ANKRD31: variants seen among roughly 807,000 people sequenced by gnomAD.
ANKRD31 encodes ankyrin repeat domain-containing protein 31.
ANKRD31 carries 147 observed loss-of-function variants against 186.0 expected under a neutral mutation model. That is an observed-to-expected ratio of 0.79 (90% CI 0.69 to 0.91). The LOEUF (loss-of-function observed/expected upper bound fraction) is 0.91. Ranked by LOEUF, ANKRD31 falls within the 40% of genes least tolerant of loss-of-function variation. The pLI is 0.00. For synonymous variants in ANKRD31, 673 were observed against 736.4 expected (o/e 0.91, Z 1.39); for missense variants, 1,986 against 2,148.8 (o/e 0.92, Z 1.50).
chr5:75,127,574 C>A (rs374940944), intron 17 of ANKRD31, among the ~76,000 whole-genome samples: 37 of 152,138 alleles, frequency 2.4e-4, no homozygotes, highest in African/African-American at 8.7e-4. Flanking sequence ...TAATATAAAT[C>A]GTCCAACATT....
intron 10 of ANKRD31, among the ~76,000 whole-genome samples, chr5:75,184,566 A>AATC (rs1386914932): frequency 1.3e-5 from 2 of 151,988 alleles, no homozygotes; most frequent in Non-Finnish European, 2.9e-5. Context: ...TAATAATAAT[A>AATC]ATAATTCCAT....
At chr5:75,077,508 A>T (rs1302226741) in intron 25 of ANKRD31, among the ~76,000 whole-genome samples, 1 of 152,130 alleles carries the variant, frequency 6.6e-6, no homozygotes, top group East Asian at 1.9e-4. Flanking sequence ...TGGGGGGGGA[A>T]TTAAAATCTT....
chr5:75,203,673 A>AGAAAAGAAAAGAAAAGAAAAG (rs536156544), intron 5 of ANKRD31, among the ~76,000 whole-genome samples: 1 of 148,240 alleles, frequency 6.7e-6, no homozygotes, highest in East Asian at 2.0e-4. Context: ...AAAAAAAAAA[A>AGAAAAGAAAAGAAAAGAAAAG]AAAAGAAAAG....
chr5:75,134,242 C>A (rs12017777), intron 17 of ANKRD31, among the ~76,000 whole-genome samples: 1 of 151,668 alleles, frequency 6.6e-6, no homozygotes, highest in Non-Finnish European at 1.5e-5. Flanking sequence ...TTTTTGAAAG[C>A]ATCAACAAAA....
Position 75,146,330 on chromosome 5 carries a change from A to G in ANKRD31, c.3081T>C (p.His1027=), listed in dbSNP as rs1751433083. Residue 1027 remains histidine (H), a synonymous_variant, in exon 14 of 26, where the codon CAT becomes CAC. Coordinates refer to ENST00000506364, the MANE Select transcript of ANKRD31 (RefSeq NM_001372053.1). ...LTHEASKLTN[H]VELFKKPQDY... is the part of the protein sequence containing the mutation. ...CCTGTGGCTTTTTGAATAGCTCCAC[A>G]TGATTAGTCAACTTTGAAGCCTCAT... 1.3e-6 allele frequency: 2 copies of G among 1,536,494 alleles called. No homozygotes were observed. The highest frequency in any genetic ancestry group is 2.7e-5 in the African/African-American group (2 of 73,006).
intron 3 of ANKRD31, among the ~76,000 whole-genome samples, chr5:75,216,963 C>T (rs1454002702): frequency 2.6e-5 from 4 of 152,060 alleles, no homozygotes; most frequent in Non-Finnish European, 4.4e-5. Flanking sequence ...TTGATTTCTG[C>T]CTTAATTTCA....
chr5:75,107,715 T>C (rs1262643565), intron 20 of ANKRD31, 98 bp from the exon 21 acceptor site: 2 of 672,792 alleles, frequency 3.0e-6, no homozygotes, highest in Non-Finnish European at 4.9e-6. Flanking sequence ...TAAAAAGCGT[T>C]ATTCCCTATG....
chr5:75,114,553 T>G (rs1193783614), intron 19 of ANKRD31, among the ~76,000 whole-genome samples: 1 of 152,110 alleles, frequency 6.6e-6, no homozygotes, highest in Non-Finnish European at 1.5e-5. Flanking sequence ...GCTGAGACAA[T>G]GGGGTTTTCT....
chr5:75,214,422 G>A (rs1756838624), intron 3 of ANKRD31, among the ~76,000 whole-genome samples: 1 of 152,208 alleles, frequency 6.6e-6, no homozygotes, highest in Non-Finnish European at 1.5e-5. Flanking sequence ...GATCAGCTCA[G>A]TAGCATCAGG....
At chr5:75,221,827 ATCT>A (rs1158972860) in intron 3 of ANKRD31, among the ~76,000 whole-genome samples, 54 of 152,252 alleles carry the variant, frequency 3.5e-4, no homozygotes, top group African/African-American at 1.3e-3. Context: ...CCTCTTTATG[ATCT>A]TCTTAACATT....
At chr5:75,234,552 T>C (rs1758141520) in intron 1 of ANKRD31, among the ~76,000 whole-genome samples, 1 of 152,260 alleles carries the variant, frequency 6.6e-6, no homozygotes, top group African/African-American at 2.4e-5. Flanking sequence ...TAATAGGGTA[T>C]GTAGTAAAAT....
intron 23 of ANKRD31, among the ~76,000 whole-genome samples, chr5:75,088,644 C>A (rs1745687525): frequency 6.6e-6 from 1 of 152,180 alleles, no homozygotes. Flanking sequence ...ACGTGTGCCT[C>A]TCTTGTGCCT....
chr5:75,185,264 T>C (rs1301136733), intron 10 of ANKRD31, among the ~76,000 whole-genome samples: 4 of 151,862 alleles, frequency 2.6e-5, no homozygotes, highest in African/African-American at 9.7e-5. Flanking sequence ...AAGTTGCAAT[T>C]AGAAATGAAG....
chr5:75,172,998 G>A (rs1006225297), intron 10 of ANKRD31, among the ~76,000 whole-genome samples: 1 of 151,994 alleles, frequency 6.6e-6, no homozygotes, highest in African/African-American at 2.4e-5. Flanking sequence ...ATAAAATACT[G>A]GCAAACCGAA....
At chr5:75,214,717 C>A (rs527476696) in intron 3 of ANKRD31, among the ~76,000 whole-genome samples, 14 of 152,212 alleles carry the variant, frequency 9.2e-5, no homozygotes, top group Admixed American at 3.9e-4. Context: ...ATGGAGGCTG[C>A]AAAAGGGAAA....
At chr5:75,098,671 G>A (rs1452748503) in intron 22 of ANKRD31, among the ~76,000 whole-genome samples, 5 of 152,100 alleles carry the variant, frequency 3.3e-5, no homozygotes, top group Non-Finnish European at 7.4e-5. Context: ...GGATTTCTAG[G>A]TATTTTATTC....
intron 17 of ANKRD31, among the ~76,000 whole-genome samples, chr5:75,129,817 C>T (rs867893091): frequency 7.9e-5 from 12 of 152,230 alleles, no homozygotes; most frequent in South Asian, 2.1e-4. Flanking sequence ...GAGTGTGAGC[C>T]GAAGCAGGGC....
intron 5 of ANKRD31, among the ~76,000 whole-genome samples, chr5:75,200,297 C>CTTTTTTTTT (rs373390533): frequency 6.9e-6 from 1 of 144,090 alleles, no homozygotes; most frequent in Non-Finnish European, 1.5e-5. Context: ...TTCTTTCTTT[C>CTTTTTTTTT]TTTTTTTTTT....
Position 75,068,532 on chromosome 5 carries a change from T to G in ANKRD31, c.5780A>C (p.Glu1927Ala). 3.3e-6 allele frequency: 5 copies of G among 1,510,138 alleles called. No homozygotes were observed. Among genetic ancestry groups the G allele is most frequent in the Non-Finnish European group, 4.4e-6 (5 of 1,136,164 alleles). 93.5% of individuals were successfully genotyped at this position (1,510,138 alleles called of 1,614,324 possible). ...GAAACCAAGGTTTTAGGGTGTTAGT[T>G]CCTCACATTCCACACAAAACTTCCA... Reference protein sequence around the residue: ...QHWKFCVECEELTP With the variant: ...QHWKFCVECEALTP Residue 1927 changes from glutamate (E) to alanine (A), a missense_variant, in exon 26 of 26, where the codon GAA becomes GCA. Physicochemically the swap from Glu to Ala is moderately radical, Grantham distance 107 (BLOSUM62 -1). Transcript: ENST00000506364.
Sources: gnomAD v4.1 joint callset for allele counts (sites outside exome capture counted in the v4.1 genomes callset) on GRCh38, gnomAD v4.1.1 for gene constraint, MANE v1.5 for transcripts, NCBI Gene and HGNC (gene_info 2026-07-23, HGNC 2026-07-21) for gene names.